SAMD3: variants seen among roughly 807,000 people sequenced by gnomAD.
SAMD3 encodes sterile alpha motif domain containing 3, also known as sterile alpha motif domain-containing protein 3.
In SAMD3, 63 loss-of-function variants were observed where a neutral mutation model predicts 58.5. The ratio of observed to expected loss-of-function variants is 1.08; its 90% CI spans 0.88 to 1.33. The LOEUF (loss-of-function observed/expected upper bound fraction) is 1.33. Among genes scored for constraint, SAMD3 ranks in the 40% most tolerant of loss-of-function variants. The pLI is 0.00. For synonymous variants in SAMD3, 220 were observed against 210.3 expected, an observed-to-expected ratio of 1.05 and a Z score of -0.40; for missense variants, 604 against 608.4, an observed-to-expected ratio of 0.99 and a Z score of 0.08.
intron 1 of SAMD3, chr6:130,221,832 C>T (rs1796238030): frequency 6.6e-6 from 1 of 151,728 alleles, no homozygotes; most frequent in African/African-American, 2.4e-5. Context: ...ATAAAACCAA[C>T]TAAAAAATTA....
At chr6:130,146,232 A>G in intron 9 of SAMD3, 51 bp from the exon 10 acceptor site, 1 of 1,183,502 alleles carries the variant, frequency 8.4e-7, no homozygotes, top group South Asian at 2.1e-5. Flanking sequence ...AAAAGCTAAT[A>G]TATAGAATGT....
chr6:130,357,118 CTTTTTTTTTTT>C (rs1169066063), intron 1 of SAMD3, among the ~76,000 whole-genome samples: 11 of 91,714 alleles, frequency 1.2e-4, no homozygotes, highest in Admixed American at 2.9e-4. Flanking sequence ...GCCATGGCAT[CTTTTTTTTTTT>C]TTTTTTTTTT....
intron 2 of SAMD3, among the ~76,000 whole-genome samples, chr6:130,228,108 T>G (rs1326079237): frequency 6.6e-6 from 1 of 152,218 alleles, no homozygotes; most frequent in East Asian, 1.9e-4. Flanking sequence ...GACAATTGTG[T>G]GTTTCCATCC....
chr6:130,197,758 G>A (rs998486750), intron 5 of SAMD3, among the ~76,000 whole-genome samples: 12 of 151,726 alleles, frequency 7.9e-5, no homozygotes, highest in African/African-American at 1.7e-4. Flanking sequence ...CAAAATTTTC[G>A]CTGTCCGAAC....
chr6:130,271,207 C>G (rs1418821903), intron 2 of SAMD3, among the ~76,000 whole-genome samples: 1 of 151,936 alleles, frequency 6.6e-6, no homozygotes, highest in African/African-American at 2.4e-5. Flanking sequence ...GCCATGTTGC[C>G]CAGGTTGGTC....
Position 130,158,760 on chromosome 6 carries a change from A to G in SAMD3, c.823-3735T>C, listed in dbSNP as rs1228930951. Among the ~76,000 whole-genome samples, 3 of 152,190 alleles carry G rather than the reference A, an allele frequency of 2.0e-5. No homozygotes were observed. In the East Asian group the frequency reaches 5.8e-4, roughly 29 times the overall value. ...TACTCCACAGAGTGGGAGCGGGCTC[A>G]AGCTGGCTGCTCAAGAGAATTTTCT... On this transcript the variant is annotated intron_variant, in intron 8 of 11. Coordinates refer to ENST00000439090, the MANE Select transcript of SAMD3 (RefSeq NM_001017373.4).
At chr6:130,195,512 C>G (rs1384480442) in intron 5 of SAMD3, among the ~76,000 whole-genome samples, 1 of 152,172 alleles carries the variant, frequency 6.6e-6, no homozygotes, top group Non-Finnish European at 1.5e-5. Context: ...GCCTATCCAC[C>G]CCATGGTGCC....
intron 2 of SAMD3, among the ~76,000 whole-genome samples, chr6:130,244,662 C>T (rs948446402): frequency 2.0e-5 from 3 of 151,920 alleles, no homozygotes; most frequent in African/African-American, 7.3e-5. Context: ...ATCGCCTGAA[C>T]CCAGGAGGTG....
At chr6:130,145,509 T>C in intron 10 of SAMD3, 87 bp from the exon 11 acceptor site, 2 of 861,362 alleles carry the variant, frequency 2.3e-6, no homozygotes, top group Non-Finnish European at 3.7e-6. Context: ...TCTGGATTTT[T>C]TGTTACCTTG....
chr6:130,199,666 G>A (rs1196189820), intron 5 of SAMD3, among the ~76,000 whole-genome samples: 2 of 152,122 alleles, frequency 1.3e-5, no homozygotes, highest in East Asian at 3.9e-4. Context: ...AAGTTTTGAA[G>A]AGCTCAATAG....
In SAMD3 at chr6:130,180,802, C is replaced by T. The variant is rs181996842; in HGVS notation, c.654+3301G>A. Among the ~76,000 whole-genome samples, 20 of 152,108 alleles carry T rather than the reference C, an allele frequency of 1.3e-4. No homozygotes were observed. In the East Asian group the frequency reaches 3.9e-3, roughly 29 times the overall value. The stretch of plus-strand genomic sequence containing the variant: ...ATATACTTCAATGTACTAGACAGTC[C>T]CCAGCAGAAAGAATTATCCAGCCCC... On this transcript the variant is annotated intron_variant, in intron 7 of 11. Transcript: ENST00000439090.
In SAMD3 at chr6:130,263,065, A is replaced by G. The variant is rs1350066046; in HGVS notation, c.-187-40252T>C. On this transcript the variant is annotated intron_variant, in intron 2 of 13. Coordinates refer to the SAMD3 transcript ENST00000368134. ...TATTAAAATTAGGTTTAACATTAAT[A>G]ACACACTAATATAAATGTAAAATTT... is the stretch of plus-strand genomic sequence containing the variant. 2.0e-5 allele frequency among the ~76,000 whole-genome samples: 3 copies of G among 152,226 alleles called. No individual in the cohort carries two copies. In the East Asian group the frequency reaches 5.8e-4, roughly 29 times the overall value.
intron 2 of SAMD3, among the ~76,000 whole-genome samples, chr6:130,311,534 A>G (rs1583086136): frequency 6.6e-6 from 1 of 152,334 alleles, no homozygotes; most frequent in Non-Finnish European, 1.5e-5. Context: ...GACTAAGAGT[A>G]AAGGGAATAC....
intron 1 of SAMD3, among the ~76,000 whole-genome samples, chr6:130,313,997 C>A (rs183341532): frequency 6.6e-6 from 1 of 152,256 alleles, no homozygotes; most frequent in Admixed American, 6.5e-5. Context: ...GGCTTTTAAG[C>A]ATTTATTTTC....
chr6:130,262,621 A>T (rs1370357572), intron 2 of SAMD3, among the ~76,000 whole-genome samples: 1 of 152,078 alleles, frequency 6.6e-6, no homozygotes, highest in Non-Finnish European at 1.5e-5. Context: ...TTCATGCAAG[A>T]AATGTTGTAT....
intron 1 of SAMD3, among the ~76,000 whole-genome samples, chr6:130,328,535 C>T (rs996924331): frequency 1.3e-5 from 2 of 152,102 alleles, no homozygotes; most frequent in African/African-American, 4.8e-5. Flanking sequence ...AAACTGAATC[C>T]AAGTTATCTT....
chr6:130,286,293 C>G (rs1376831320), intron 2 of SAMD3: 1 of 152,194 alleles, frequency 6.6e-6, no homozygotes, highest in East Asian at 1.9e-4. Flanking sequence ...TCAAGGAAAC[C>G]AATTAAGGTA....
Position 130,154,971 on chromosome 6 carries a change from G to T in SAMD3, c.877C>A (p.Gln293Lys), listed in dbSNP as rs1789647750. 6.2e-7 allele frequency: 1 copy of T among 1,612,866 alleles called. No individual in the cohort carries two copies. Among genetic ancestry groups the T allele is most frequent in the African/African-American group, 1.3e-5 (1 of 74,728 alleles). The change falls in exon 9 of 12, where the codon CAA becomes AAA. Residue 293 changes from glutamine (Q) to lysine (K), a missense_variant. Physicochemically the swap from Gln to Lys is moderately conservative, Grantham distance 53. Transcript: ENST00000439090. Reference sequence around the variant, plus strand: ...TCCTTTTCTGTTTTCACGTATTCTTGCTGGAACCACTTAATATGTTCATCT... The same window carrying T: ...TCCTTTTCTGTTTTCACGTATTCTTTCTGGAACCACTTAATATGTTCATCT... ...ELDEHIKWFQ[Q>K]EYVKTEKDWR...
intron 2 of SAMD3, among the ~76,000 whole-genome samples, chr6:130,286,891 G>A (rs1046667155): frequency 6.6e-5 from 10 of 152,204 alleles, no homozygotes; most frequent in Admixed American, 6.5e-4. Flanking sequence ...TGTATTTTTA[G>A]TACAGACGGG....
Sources: allele counts gnomAD v4.1 joint callset (sites outside exome capture counted in the v4.1 genomes callset), GRCh38; gene constraint gnomAD v4.1.1; transcripts MANE v1.5; gene names NCBI Gene and HGNC (gene_info 2026-07-23, HGNC 2026-07-21).